CNTN4: variants seen among roughly 807,000 people sequenced by gnomAD.
CNTN4 encodes contactin 4.
Under a neutral mutation model 122.5 loss-of-function variants are expected in CNTN4, and 77 were observed. The ratio of observed to expected loss-of-function variants is 0.63; its 90% confidence interval spans 0.52 to 0.76. CNTN4 has a LOEUF of 0.76. Ranked by LOEUF, CNTN4 falls within the 30% of genes least tolerant of loss-of-function variation. CNTN4 has a pLI of 0.00. For missense variants in CNTN4, 1,256 were observed against 1,259.1 expected (o/e 1.00, Z 0.04); for synonymous variants, 512 against 447.0 (o/e 1.15, Z -1.83).
chr3:2,460,886 A>T (rs1291375677), intron 3 of CNTN4, among the ~76,000 whole-genome samples: 1 of 90,404 alleles, frequency 1.1e-5, no homozygotes, highest in Non-Finnish European at 2.4e-5. Context: ...GCAGTAGCTG[A>T]AAGAGTGAGA....
Position 2,735,850 on chromosome 3 carries a change from C to T in CNTN4, c.56-365C>T, listed in dbSNP as rs963383255. On this transcript the variant is annotated intron_variant, in intron 4 of 24. Coordinates refer to ENST00000418658, the MANE Select transcript of CNTN4 (RefSeq NM_175607.3). ...AAAATGTTAGCTTTATGACACTAGA[C>T]AGCCATCCACAATGACAGTAGCACA... 5 of 421,500 alleles carry T rather than the reference C, an allele frequency of 1.2e-5. No individual in the cohort carries two copies. In the Admixed American group the frequency reaches 1.2e-4, roughly 10 times the overall value. 26.1% of individuals were successfully genotyped at this position (421,500 alleles called of 1,614,324 possible). A position where few individuals can be genotyped will look rare whatever the true frequency, so the allele number is the denominator to read the frequency against.
intron 4 of CNTN4, among the ~76,000 whole-genome samples, chr3:2,667,941 A>G (rs955447533): frequency 6.6e-5 from 10 of 151,934 alleles, no homozygotes; most frequent in Non-Finnish European, 1.2e-4. Context: ...GTTCTGTTCC[A>G]TTGGTCTATA....
chr3:2,563,623 A>G (rs966763480), intron 3 of CNTN4, among the ~76,000 whole-genome samples: 3 of 152,192 alleles, frequency 2.0e-5, no homozygotes, highest in Non-Finnish European at 4.4e-5. Context: ...TAAGCTTCAT[A>G]TGTATGGATA....
intron 2 of CNTN4, among the ~76,000 whole-genome samples, chr3:2,200,483 C>G (rs959875283): frequency 7.2e-5 from 11 of 152,146 alleles, no homozygotes; most frequent in Non-Finnish European, 1.3e-4. Flanking sequence ...GGGAGGGGTT[C>G]TATTACTAAC....
chr3:2,366,748 G>GTAA (rs1338139809), intron 3 of CNTN4, among the ~76,000 whole-genome samples: 5 of 149,902 alleles, frequency 3.3e-5, no homozygotes, highest in African/African-American at 1.2e-4. Flanking sequence ...AATAATAATA[G>GTAA]TAATAATAAT....
chr3:2,827,689 C>T (rs1054499279), intron 7 of CNTN4, among the ~76,000 whole-genome samples: 1 of 152,164 alleles, frequency 6.6e-6, no homozygotes, highest in Non-Finnish European at 1.5e-5. Context: ...TTAAGGTAAA[C>T]TCTACCAATA....
At chr3:2,120,374 A>ATAAATAT (rs2033653105) in intron 2 of CNTN4, among the ~76,000 whole-genome samples, 1 of 59,094 alleles carries the variant, frequency 1.7e-5, no homozygotes, top group African/African-American at 7.2e-5. Flanking sequence ...TATATATATA[A>ATAAATAT]ATATATATAT....
chr3:2,350,777 A>C (rs759080192), intron 3 of CNTN4, among the ~76,000 whole-genome samples: 2 of 152,176 alleles, frequency 1.3e-5, no homozygotes, highest in Non-Finnish European at 2.9e-5. Context: ...TCACTAACCA[A>C]CGAAAATTTA....
chr3:2,526,875 A>T (rs995409320), intron 3 of CNTN4, among the ~76,000 whole-genome samples: 3 of 152,186 alleles, frequency 2.0e-5, no homozygotes, highest in Admixed American at 6.5e-5. Context: ...ACAGAGCAGC[A>T]TATGTGCAAT....
chr3:2,307,690 C>T (rs767183846), intron 2 of CNTN4, among the ~76,000 whole-genome samples: 7 of 151,790 alleles, frequency 4.6e-5, no homozygotes, highest in Non-Finnish European at 1.0e-4. Context: ...GGCTTTTGTT[C>T]TTTATTGTAT....
At chr3:2,287,673 GAAGAAGAA>G (rs1559415511) in intron 2 of CNTN4, among the ~76,000 whole-genome samples, 2 of 73,414 alleles carry the variant, frequency 2.7e-5, no homozygotes, top group Non-Finnish European at 6.0e-5. Flanking sequence ...AGAAGAAGAA[GAAGAAGAA>G]GAAGAAGAAG....
intron 3 of CNTN4, among the ~76,000 whole-genome samples, chr3:2,413,456 T>C (rs2047300579): frequency 6.6e-6 from 1 of 152,218 alleles, no homozygotes; most frequent in African/African-American, 2.4e-5. Context: ...TTGTTGGACA[T>C]CTAGGTGTGT....
At chr3:2,874,497 T>C (rs1372056680) in intron 8 of CNTN4, among the ~76,000 whole-genome samples, 2 of 152,210 alleles carry the variant, frequency 1.3e-5, no homozygotes, top group African/African-American at 4.8e-5. Context: ...GAATACTCAT[T>C]GAGTATCTGT....
At chr3:2,466,958 C>G (rs1211026656) in intron 3 of CNTN4, among the ~76,000 whole-genome samples, 1 of 128,916 alleles carries the variant, frequency 7.8e-6, no homozygotes, top group East Asian at 2.3e-4. Context: ...TTCTTTCTTT[C>G]TTTCTTTCTT....
intron 4 of CNTN4, among the ~76,000 whole-genome samples, chr3:2,655,225 A>C (rs1287818174): frequency 6.6e-6 from 1 of 152,092 alleles, no homozygotes; most frequent in Non-Finnish European, 1.5e-5. Context: ...TGAATCATTA[A>C]CTCTGAAGAA....
intron 4 of CNTN4, among the ~76,000 whole-genome samples, chr3:2,609,331 C>T (rs1041526057): frequency 6.6e-6 from 1 of 152,192 alleles, no homozygotes; most frequent in African/African-American, 2.4e-5. Flanking sequence ...TGTGAGGACA[C>T]GGTATTCAAG....
chr3:3,045,263 A>G (rs958064542), intron 23 of CNTN4, among the ~76,000 whole-genome samples: 7 of 152,318 alleles, frequency 4.6e-5, no homozygotes, highest in Admixed American at 3.9e-4. Context: ...TCCCTGTCTG[A>G]CAGCTTTGAA....
At chr3:2,757,214 G>A (rs2090377665) in intron 6 of CNTN4, among the ~76,000 whole-genome samples, 1 of 151,990 alleles carries the variant, frequency 6.6e-6, no homozygotes, top group Admixed American at 6.6e-5. Context: ...AATGAAATGG[G>A]GACTGCAAAA....
At chr3:2,265,018 C>T (rs370319446) in intron 2 of CNTN4, among the ~76,000 whole-genome samples, 1 of 152,012 alleles carries the variant, frequency 6.6e-6, no homozygotes, top group African/African-American at 2.4e-5. Context: ...GCCACTCGTA[C>T]TCTTTCCCCT....
Sources: gnomAD v4.1 joint callset for allele counts (sites outside exome capture counted in the v4.1 genomes callset) on GRCh38, gnomAD v4.1.1 for gene constraint, MANE v1.5 for transcripts, NCBI Gene and HGNC (gene_info 2026-07-23, HGNC 2026-07-21) for gene names.